Variants in POMK observed in about 807,000 individuals in gnomAD.
POMK encodes Sugen kinase 196.
In POMK, 19 loss-of-function variants were observed where a neutral mutation model predicts 23.0. That is an observed-to-expected ratio of 0.83 (90% CI 0.58 to 1.21). POMK has a LOEUF of 1.21. Among genes scored for constraint, POMK ranks in the 50% most tolerant of loss-of-function variants. The probability of loss-of-function intolerance (pLI) is 0.00; values close to 1 mark genes in which losing one functional copy is unlikely to be tolerated. For missense variants in POMK, 410 were observed against 431.3 expected (o/e 0.95, Z 0.44); for synonymous variants, 173 against 171.6 (o/e 1.01, Z -0.06).
At chr8:43,110,068 T>C (rs2130609744) in intron 4 of POMK, among the ~76,000 whole-genome samples, 1 of 152,356 alleles carries the variant, frequency 6.6e-6, no homozygotes, top group South Asian at 2.1e-4. Context: ...TTTAGACTTT[T>C]CCTATCTCAT....
intron 4 of POMK, among the ~76,000 whole-genome samples, 194 bp from the exon 5 acceptor site, chr8:43,121,913 G>C (rs1213150908): frequency 1.3e-5 from 2 of 152,244 alleles, no homozygotes. Flanking sequence ...TGTGGCACTT[G>C]CCTTGCTGAA....
At chr8:43,110,500 C>T (rs117580631) in intron 4 of POMK, among the ~76,000 whole-genome samples, 2,413 of 152,328 alleles carry the variant, frequency 0.016, 34 homozygotes, top group Non-Finnish European at 0.022. Flanking sequence ...TTCATGAATA[C>T]GTTCACAACT....
intron 1 of POMK, among the ~76,000 whole-genome samples, chr8:43,094,624 T>C (rs1048683978): frequency 6.6e-6 from 1 of 152,224 alleles, no homozygotes; most frequent in African/African-American, 2.4e-5. Context: ...ATCCTCTTAA[T>C]GTACCTTGTG....
Position 43,111,427 on chromosome 8 carries a change from C to T in POMK, c.282+7597C>T, listed in dbSNP as rs2130611680. Among the ~76,000 whole-genome samples the T allele has an allele frequency of 3.3e-5, 5 of 152,356 alleles. 1 individual carries two copies. The South Asian group carries it at 1.0e-3, about 32-fold the overall frequency. On this transcript the variant is annotated intron_variant, in intron 4 of 4. Coordinates refer to ENST00000331373, the MANE Select transcript of POMK (RefSeq NM_032237.5). Reference sequence around the variant, plus strand: ...GTAGGTAAACAAAGCAGCTGGGAAGCTCAAACTGGGTGGAGCCCACCACAG... The same window carrying T: ...GTAGGTAAACAAAGCAGCTGGGAAGTTCAAACTGGGTGGAGCCCACCACAG...
intron 4 of POMK, among the ~76,000 whole-genome samples, chr8:43,114,130 C>T (rs1475352422): frequency 2.0e-5 from 3 of 152,238 alleles, no homozygotes; most frequent in African/African-American, 4.8e-5. Flanking sequence ...AACCACTGCT[C>T]TCTTCAAAGC....
chr8:43,121,973 C>T (rs1188712113), intron 4 of POMK, 134 bp from the exon 5 acceptor site: 1 of 848,164 alleles, frequency 1.2e-6, no homozygotes, highest in South Asian at 1.6e-5. Context: ...GAGAGCAACT[C>T]TACGATGGGG....
chr8:43,122,967 C>A lies in POMK; in HGVS notation c.*90C>A. 1 of 1,236,230 alleles carries A rather than the reference C, an allele frequency of 8.1e-7. No homozygotes were observed. The highest frequency in any genetic ancestry group is 1.1e-6 in the Non-Finnish European group (1 of 894,742). 76.6% of individuals were successfully genotyped at this position (1,236,230 alleles called of 1,614,324 possible). A position where few individuals can be genotyped will look rare whatever the true frequency, so the allele number is the denominator to read the frequency against. On this transcript the variant is annotated 3_prime_UTR_variant, in exon 5 of 5. Coordinates refer to ENST00000331373, the MANE Select transcript of POMK (RefSeq NM_032237.5). Reference sequence around the variant, plus strand: ...ATGGTGGAGTTTTTTGCCTGAGTTTCGTGTTTTATTGTTTTTTTTATGGCT... The same window carrying A: ...ATGGTGGAGTTTTTTGCCTGAGTTTAGTGTTTTATTGTTTTTTTTATGGCT...
At chr8:43,114,933 A>T (rs1040322955) in intron 4 of POMK, among the ~76,000 whole-genome samples, 2 of 151,652 alleles carry the variant, frequency 1.3e-5, no homozygotes, top group African/African-American at 2.4e-5. Context: ...TGGGAGTCAA[A>T]TTTTTTTTTC....
chr8:43,108,646 A>G (rs1157379444), intron 4 of POMK, among the ~76,000 whole-genome samples: 1 of 151,658 alleles, frequency 6.6e-6, no homozygotes, highest in African/African-American at 2.4e-5. Flanking sequence ...TTTGATATTT[A>G]TGAACATTTC....
At chr8:43,112,316 A>G (rs1289700480) in intron 4 of POMK, among the ~76,000 whole-genome samples, 1 of 152,266 alleles carries the variant, frequency 6.6e-6, no homozygotes, top group Non-Finnish European at 1.5e-5. Context: ...ATAGGGTATC[A>G]GTGATGGAAG....
chr8:43,112,880 C>T lies in POMK; in HGVS notation c.282+9050C>T, dbSNP rs577553219. ...AGCAAATGCTGAGAGATTTTGTCAC[C>T]ACCAGGCCTGCCCTAAAAGAGCTCC... On this transcript the variant is annotated intron_variant, in intron 4 of 4. Coordinates refer to ENST00000331373, the MANE Select transcript of POMK (RefSeq NM_032237.5). Among the ~76,000 whole-genome samples, 869 of 152,278 alleles carry T rather than the reference C, an allele frequency of 5.7e-3. 6 individuals are homozygous for T. The highest frequency in any genetic ancestry group is 0.02 in the African/African-American group (828 of 41,554).
Position 43,122,645 on chromosome 8 carries a change from C to T in POMK, c.821C>T (p.Pro274Leu). 6.2e-7 allele frequency: 1 copy of T among 1,614,104 alleles called. No homozygotes were observed. Among genetic ancestry groups the T allele is most frequent in the Non-Finnish European group, 8.5e-7 (1 of 1,179,998 alleles). Reference protein sequence around the residue: ...EDVPFHDDLMPSYDEKIDIWK... With the variant: ...EDVPFHDDLMLSYDEKIDIWK... ...GTGCCTTTCCACGATGATCTCATGC[C>T]CTCATATGATGAGAAGATTGACATT... The change falls in exon 5 of 5, where the codon CCC (proline) becomes CTC (leucine). Residue 274 changes from proline (P) to leucine (L), a missense_variant. Coordinates refer to ENST00000331373, the MANE Select transcript of POMK (RefSeq NM_032237.5).
At chr8:43,095,358 T>A (rs1425905296) in intron 1 of POMK, among the ~76,000 whole-genome samples, 1 of 152,156 alleles carries the variant, frequency 6.6e-6, no homozygotes, top group Non-Finnish European at 1.5e-5. Context: ...TTTTTTTATT[T>A]GTTTTGTTTT....
At chr8:43,117,741 C>T (rs146227999) in intron 4 of POMK, among the ~76,000 whole-genome samples, 1 of 152,250 alleles carries the variant, frequency 6.6e-6, no homozygotes, top group East Asian at 1.9e-4. Context: ...TATTTTCATC[C>T]ATTGATTGGC....
At chr8:43,122,042 G>A in intron 4 of POMK, 65 bp from the exon 5 acceptor site, 3 of 1,474,330 alleles carry the variant, frequency 2.0e-6, no homozygotes, top group Non-Finnish European at 2.8e-6. Context: ...AAAGATATTT[G>A]TTGTTCTTTG....
rs1811953665 is a variant in POMK at position 43,122,899 on chromosome 8, G to A, written c.*22G>A. 2 of 1,581,742 alleles carry A rather than the reference G, an allele frequency of 1.3e-6. No homozygotes were observed. Among genetic ancestry groups the A allele is most frequent in the South Asian group, 2.3e-5 (2 of 87,736 alleles). On this transcript the variant is annotated 3_prime_UTR_variant, in exon 5 of 5. Transcript: ENST00000331373. ...GTGAAAACCAGTCCAGCCAATGAAG[G>A]TGGGATTGAAGGGCTGAATGGAAGT...
chr8:43,111,444 C>T (rs1316571509), intron 4 of POMK, among the ~76,000 whole-genome samples: 4 of 152,208 alleles, frequency 2.6e-5, no homozygotes, highest in African/African-American at 9.6e-5. Flanking sequence ...TGGGTGGAGC[C>T]CACCACAGCT....
chr8:43,122,870 T>G lies in POMK; in HGVS notation c.1046T>G (p.Met349Arg). 6.2e-7 allele frequency: 1 copy of G among 1,606,824 alleles called. No homozygotes were observed. Among genetic ancestry groups the G allele is most frequent in the Non-Finnish European group, 8.5e-7 (1 of 1,177,772 alleles). Residue 349 changes from methionine to arginine, a missense_variant, in exon 5 of 5, where the codon ATG becomes AGG. Physicochemically the swap from Met to Arg is moderately conservative, Grantham distance 91. Coordinates refer to ENST00000331373, the MANE Select transcript of POMK (RefSeq NM_032237.5). ...RDAMMSQARE[M>R]L is the part of the protein sequence containing the mutation. ...GCCATGATGTCTCAGGCAAGAGAGATGCTGTGAAAACCAGTCCAGCCAATG... is the reference window on the plus strand; with the variant it reads ...GCCATGATGTCTCAGGCAAGAGAGAGGCTGTGAAAACCAGTCCAGCCAATG...
At chr8:43,103,475 G>A in intron 3 of POMK, 53 bp from the exon 4 acceptor site, 1 of 1,557,252 alleles carries the variant, frequency 6.4e-7, no homozygotes, top group Middle Eastern at 1.9e-4. Flanking sequence ...TTTTGGAAAT[G>A]AAAGGAAGTG....
Sources: gnomAD v4.1 joint callset for allele counts (sites outside exome capture counted in the v4.1 genomes callset) on GRCh38, gnomAD v4.1.1 for gene constraint, MANE v1.5 for transcripts, NCBI Gene and HGNC (gene_info 2026-07-23, HGNC 2026-07-21) for gene names.